Variants in ST18 observed in about 807,000 individuals in gnomAD.
ST18 encodes suppression of tumorigenicity 18 protein.
In ST18, 50 loss-of-function variants were observed where a neutral mutation model predicts 110.0. The ratio of observed to expected loss-of-function variants is 0.45; its 90% confidence interval spans 0.36 to 0.58. The LOEUF is 0.58. ST18 is among the 20% of genes least tolerant of loss of function. The pLI is 0.00. For missense variants in ST18, 1,306 were observed against 1,280.1 expected (o/e 1.02, Z -0.31); for synonymous variants, 461 against 452.4 (o/e 1.02, Z -0.24).
chr8:52,180,253 A>C lies in ST18; in HGVS notation c.146T>G (p.Val49Gly). 2 of 1,614,050 alleles carry C rather than the reference A, an allele frequency of 1.2e-6. No homozygotes were observed. ...CAGGGATTTCCTTTTGTTGACTGGA[A>C]CCCCCAAAGCCTGATCTTCAGCTGT... The part of the protein sequence containing the change: ...KRTAEDQALG[V>G]PVNKRKSLLM... Residue 49 changes from valine to glycine, a missense_variant, in exon 9 of 26, where the codon GTT becomes GGT. Transcript: ENST00000689386.
rs562508408 is a variant in ST18, at chr8:52,370,671, G to A, written c.-465+38657C>T. Among the ~76,000 whole-genome samples the A allele has an allele frequency of 5.3e-5, 8 of 152,186 alleles. No homozygotes were observed. The East Asian group carries it at 7.7e-4, about 15-fold the overall frequency. Reference sequence around the variant, plus strand: ...AGCATCAAGCAGGCTTCCTCATGACGGCCTGCATCTGGGACTGATGGGCTT... The same window carrying A: ...AGCATCAAGCAGGCTTCCTCATGACAGCCTGCATCTGGGACTGATGGGCTT... On this transcript the variant is annotated intron_variant, in intron 2 of 25. Transcript: ENST00000689386.
At chr8:52,184,367 C>T (rs951211498) in intron 8 of ST18, among the ~76,000 whole-genome samples, 78 of 152,292 alleles carry the variant, frequency 5.1e-4, no homozygotes, top group African/African-American at 1.8e-3. Flanking sequence ...CCATACTTTT[C>T]AAGTTTTGAC....
At chr8:52,255,465 T>C (rs550982358) in intron 2 of ST18, among the ~76,000 whole-genome samples, 75 of 152,318 alleles carry the variant, frequency 4.9e-4, no homozygotes, top group African/African-American at 1.8e-3. Flanking sequence ...CTGTGAAACA[T>C]GCAAGGAAGA....
chr8:52,131,502 G>A (rs987145221), intron 22 of ST18, among the ~76,000 whole-genome samples: 2 of 152,098 alleles, frequency 1.3e-5, no homozygotes, highest in South Asian at 2.1e-4. Context: ...TGGCTGCTGC[G>A]GATGAGTCAC....
intron 2 of ST18, among the ~76,000 whole-genome samples, chr8:52,359,646 C>G (rs1824800631): frequency 6.6e-6 from 1 of 152,064 alleles, no homozygotes; most frequent in Middle Eastern, 3.2e-3. Flanking sequence ...TGATTTGTCC[C>G]TATTCAAGTA....
At chr8:52,209,170 G>A (rs1353694238) in intron 8 of ST18, among the ~76,000 whole-genome samples, 3 of 152,110 alleles carry the variant, frequency 2.0e-5, no homozygotes, top group Non-Finnish European at 4.4e-5. Flanking sequence ...TAAACCATAA[G>A]GGTTAAAAAT....
At chr8:52,396,019 T>C (rs904585313) in intron 2 of ST18, among the ~76,000 whole-genome samples, 1 of 152,178 alleles carries the variant, frequency 6.6e-6, no homozygotes, top group Admixed American at 6.5e-5. Flanking sequence ...TAGCTCTTTT[T>C]TTAAATGAAT....
At chr8:52,125,679 G>A (rs62500976) in intron 23 of ST18, among the ~76,000 whole-genome samples, 9,477 of 151,462 alleles carry the variant, frequency 0.063, 436 homozygotes, top group Non-Finnish European at 0.098. Context: ...TTTTAGAGAT[G>A]GGGTCTGGCT....
At chr8:52,269,885 C>G (rs1431532840) in intron 2 of ST18, among the ~76,000 whole-genome samples, 2 of 152,158 alleles carry the variant, frequency 1.3e-5, no homozygotes, top group African/African-American at 4.8e-5. Flanking sequence ...GAAACATTCT[C>G]TCTTTCAAGT....
At chr8:52,230,870 A>G (rs1480510369) in intron 2 of ST18, among the ~76,000 whole-genome samples, 1 of 152,132 alleles carries the variant, frequency 6.6e-6, no homozygotes, top group Non-Finnish European at 1.5e-5. Flanking sequence ...TGATGCCCTG[A>G]CGACAGAACA....
chr8:52,307,122 C>A (rs1324300091), intron 2 of ST18, among the ~76,000 whole-genome samples: 1 of 151,798 alleles, frequency 6.6e-6, no homozygotes, highest in South Asian at 2.1e-4. Context: ...AGTTCGAGAC[C>A]AACCTGGGCG....
intron 2 of ST18, among the ~76,000 whole-genome samples, chr8:52,277,680 T>G (rs2139072618): frequency 6.6e-6 from 1 of 152,294 alleles, no homozygotes; most frequent in East Asian, 1.9e-4. Context: ...AGAAACAAAC[T>G]TAGTAGATGC....
intron 8 of ST18, among the ~76,000 whole-genome samples, chr8:52,210,907 G>A (rs1164086219): frequency 3.3e-5 from 5 of 152,132 alleles, no homozygotes; most frequent in African/African-American, 1.2e-4. Context: ...AAGCTCAGTT[G>A]CCTGGAGAAA....
intron 2 of ST18, among the ~76,000 whole-genome samples, chr8:52,313,781 G>A (rs1165034812): frequency 2.0e-5 from 3 of 152,124 alleles, no homozygotes; most frequent in South Asian, 2.1e-4. Context: ...AGAAGGGATC[G>A]TTGCTGCCCC....
chr8:52,404,483 T>C (rs1343696371), intron 2 of ST18: 3 of 152,026 alleles, frequency 2.0e-5, no homozygotes, highest in South Asian at 2.1e-4. Flanking sequence ...ATTTAAGAGA[T>C]AGAGGGCAGG....
At chr8:52,150,278 GTGTA>G (rs763958356) in intron 15 of ST18, among the ~76,000 whole-genome samples, 130 of 146,010 alleles carry the variant, frequency 8.9e-4, no homozygotes, top group African/African-American at 3.0e-3. Context: ...GTGTGTGTGT[GTGTA>G]TATATATGTG....
At chr8:52,387,042 A>G (rs1231461832) in intron 2 of ST18, among the ~76,000 whole-genome samples, 1 of 152,216 alleles carries the variant, frequency 6.6e-6, no homozygotes, top group Non-Finnish European at 1.5e-5. Context: ...TTCCATGAGA[A>G]GTTAGAATAC....
chr8:52,341,880 G>C (rs1040409619), intron 2 of ST18, among the ~76,000 whole-genome samples: 1 of 148,202 alleles, frequency 6.7e-6, no homozygotes, highest in Non-Finnish European at 1.5e-5. Flanking sequence ...CTGGTGTGGA[G>C]GATCCCCTCA....
chr8:52,203,281 T>C (rs920148395), intron 8 of ST18, among the ~76,000 whole-genome samples: 8 of 152,174 alleles, frequency 5.3e-5, no homozygotes, highest in Admixed American at 4.6e-4. Flanking sequence ...TTGAACACTT[T>C]TCCAAGGTCA....
Sources: gnomAD v4.1 joint callset for allele counts (sites outside exome capture counted in the v4.1 genomes callset) on GRCh38, gnomAD v4.1.1 for gene constraint, MANE v1.5 for transcripts, NCBI Gene and HGNC (gene_info 2026-07-23, HGNC 2026-07-21) for gene names.